The following FSTL5 variants were observed in gnomAD, a reference collection of about 807,000 sequenced individuals.
FSTL5 encodes follistatin-related protein 5.
A neutral mutation model predicts 89.1 loss-of-function variants in FSTL5; 62 were observed. The observed-to-expected ratio is 0.70, with a 90% CI of 0.57 to 0.86. The LOEUF is 0.86. Among genes scored for constraint, FSTL5 ranks in the 40% least tolerant of loss-of-function variants. FSTL5 has a pLI of 0.00. For missense variants in FSTL5, 1,057 were observed against 1,001.6 expected, an observed-to-expected ratio of 1.06 and a Z score of -0.75; for synonymous variants, 383 against 346.2, an observed-to-expected ratio of 1.11 and a Z score of -1.18.
At chr4:161,633,953 AG>A (rs1578982814) in intron 7 of FSTL5, among the ~76,000 whole-genome samples, 1 of 152,208 alleles carries the variant, frequency 6.6e-6, no homozygotes, top group African/African-American at 2.4e-5. Context: ...AATGTCCTAC[AG>A]GGCAATGTAA....
At chr4:161,513,272 GGAGA>G (rs6148753) in intron 10 of FSTL5, among the ~76,000 whole-genome samples, 46,161 of 109,116 alleles carry the variant, frequency 0.42, 9,682 homozygotes, top group South Asian at 0.62. Context: ...ACAAGGAGGG[GGAGA>G]GAGAGAGAGA....
intron 4 of FSTL5, among the ~76,000 whole-genome samples, chr4:161,883,723 G>A (rs1732709814): frequency 6.6e-6 from 1 of 152,126 alleles, no homozygotes; most frequent in Non-Finnish European, 1.5e-5. Flanking sequence ...AGTAAGTAAA[G>A]GAAAATATAA....
At chr4:161,784,699 C>T (rs1266932049) in intron 4 of FSTL5, among the ~76,000 whole-genome samples, 1 of 151,928 alleles carries the variant, frequency 6.6e-6, no homozygotes, top group Non-Finnish European at 1.5e-5. Context: ...TCGAGACCAT[C>T]CTGGCTAACA....
At chr4:161,904,239 C>T (rs1268350590) in intron 4 of FSTL5, among the ~76,000 whole-genome samples, 1 of 151,858 alleles carries the variant, frequency 6.6e-6, no homozygotes, top group Non-Finnish European at 1.5e-5. Flanking sequence ...GGACTTGGCC[C>T]TTAAGTATAA....
At chr4:161,830,275 A>G (rs1191646581) in intron 4 of FSTL5, among the ~76,000 whole-genome samples, 1 of 152,080 alleles carries the variant, frequency 6.6e-6, no homozygotes, top group Non-Finnish European at 1.5e-5. Flanking sequence ...GTCAATGAAC[A>G]GGCTGCCAAC....
intron 15 of FSTL5, among the ~76,000 whole-genome samples, chr4:161,398,669 T>A (rs1578943352): frequency 6.6e-6 from 1 of 152,230 alleles, no homozygotes; most frequent in East Asian, 1.9e-4. Context: ...ATTTCACAAA[T>A]TAGAAGTACA....
intron 3 of FSTL5, among the ~76,000 whole-genome samples, chr4:162,014,886 G>T (rs1396118716): frequency 6.6e-6 from 1 of 152,066 alleles, no homozygotes; most frequent in African/African-American, 2.4e-5. Context: ...AGGAAAGCAA[G>T]AAAATAAGAT....
At chr4:162,044,908 A>C (rs1312948753) in intron 2 of FSTL5, among the ~76,000 whole-genome samples, 2 of 152,122 alleles carry the variant, frequency 1.3e-5, no homozygotes, top group Non-Finnish European at 2.9e-5. Context: ...TTTGCTCCAA[A>C]TTATGCTTTG....
chr4:161,973,602 C>T (rs1735546753), intron 3 of FSTL5, among the ~76,000 whole-genome samples: 1 of 152,096 alleles, frequency 6.6e-6, no homozygotes, highest in Non-Finnish European at 1.5e-5. Context: ...AGTTTTATGC[C>T]TGTTACAGAG....
chr4:161,635,599 A>G (rs17343847), intron 7 of FSTL5, among the ~76,000 whole-genome samples: 29,529 of 152,164 alleles, frequency 0.19, 3,413 homozygotes, highest in Non-Finnish European at 0.24. Context: ...ACTCATTGAT[A>G]AAGTTGTTTA....
chr4:161,589,958 A>C (rs1733751780), intron 7 of FSTL5, among the ~76,000 whole-genome samples: 1 of 152,090 alleles, frequency 6.6e-6, no homozygotes, highest in Admixed American at 6.5e-5. Flanking sequence ...CACAAAACAG[A>C]GATAGGAAAC....
chr4:161,571,147 T>A (rs1732993671), intron 8 of FSTL5, among the ~76,000 whole-genome samples: 1 of 151,192 alleles, frequency 6.6e-6, no homozygotes. Flanking sequence ...ACGGCCAAGA[T>A]GAAACATAGT....
At chr4:161,417,693 A>G (rs1487639079) in intron 15 of FSTL5, among the ~76,000 whole-genome samples, 2 of 152,180 alleles carry the variant, frequency 1.3e-5, no homozygotes, top group African/African-American at 4.8e-5. Flanking sequence ...TACGAATATA[A>G]ATAACATTTA....
intron 4 of FSTL5, among the ~76,000 whole-genome samples, chr4:161,816,589 A>G (rs542684476): frequency 1.3e-5 from 2 of 152,320 alleles, no homozygotes; most frequent in South Asian, 4.1e-4. Flanking sequence ...CAAAGGGGTA[A>G]AAGCTTGAGG....
intron 13 of FSTL5, among the ~76,000 whole-genome samples, chr4:161,472,898 T>C (rs750960093): frequency 7.9e-5 from 12 of 152,062 alleles, no homozygotes; most frequent in African/African-American, 2.2e-4. Context: ...CTAATTTTTG[T>C]ATTTTTAGTA....
chr4:161,633,315 A>ATTATTG (rs1343590429), intron 7 of FSTL5, among the ~76,000 whole-genome samples: 1 of 146,258 alleles, frequency 6.8e-6, no homozygotes, highest in African/African-American at 2.5e-5. Context: ...TATTATTATT[A>ATTATTG]TTATTATTAT....
intron 6 of FSTL5, among the ~76,000 whole-genome samples, chr4:161,681,793 T>G (rs979394289): frequency 2.0e-5 from 3 of 152,194 alleles, no homozygotes; most frequent in Admixed American, 2.0e-4. Flanking sequence ...TTTAAGACTT[T>G]GTGTATGTTG....
intron 2 of FSTL5, among the ~76,000 whole-genome samples, chr4:162,062,666 C>T (rs1738758693): frequency 6.6e-6 from 1 of 150,622 alleles, no homozygotes; most frequent in South Asian, 2.1e-4. Flanking sequence ...AAATATCTTT[C>T]TCATATTTCC....
intron 4 of FSTL5, among the ~76,000 whole-genome samples, chr4:161,788,562 G>A (rs1400186001): frequency 2.6e-5 from 4 of 152,060 alleles, no homozygotes; most frequent in Non-Finnish European, 4.4e-5. Context: ...TCACAGGTGC[G>A]TTGAAGAATT....
Sources: allele counts gnomAD v4.1 joint callset (sites outside exome capture counted in the v4.1 genomes callset), GRCh38; gene constraint gnomAD v4.1.1; transcripts MANE v1.5; gene names NCBI Gene and HGNC (gene_info 2026-07-23, HGNC 2026-07-21).